Variants in SPAG6 observed in about 807,000 individuals in gnomAD.
SPAG6 encodes sperm associated antigen 6.
A neutral mutation model predicts 58.5 loss-of-function variants in SPAG6; 49 were observed. That is an observed-to-expected ratio of 0.84 (90% confidence interval 0.67 to 1.06). SPAG6 has a LOEUF of 1.06. Among genes scored for constraint, SPAG6 ranks in the 50% least tolerant of loss-of-function variants. SPAG6 has a pLI of 0.00. For synonymous variants in SPAG6, 233 were observed against 225.6 expected, an observed-to-expected ratio of 1.03 and a Z score of -0.29; for missense variants, 560 against 611.3, an observed-to-expected ratio of 0.92 and a Z score of 0.89.
In SPAG6 at chr10:22,391,983, C is replaced by T. The variant is rs974577395; in HGVS notation, c.1197+63C>T. ...ATTTAAAAAATATGTCATTTCAAAT[C>T]TCTTTGTTTTCATCATGGACAATAT... On this transcript the variant is annotated intron_variant, in intron 8 of 10. Coordinates refer to ENST00000376624, the MANE Select transcript of SPAG6 (RefSeq NM_012443.4). 2.7e-6 allele frequency: 3 copies of T among 1,094,066 alleles called. No homozygotes were observed. The African/African-American group carries it at 4.7e-5, about 17-fold the overall frequency. The allele number at this position is 1,094,066 out of a possible 1,614,324, so 67.8% of individuals were successfully genotyped here.
At chr10:22,356,445 AC>A (rs1174537515) in intron 2 of SPAG6, among the ~76,000 whole-genome samples, 4 of 152,250 alleles carry the variant, frequency 2.6e-5, no homozygotes, top group African/African-American at 9.6e-5. Context: ...AGTGGGGCAA[AC>A]AGTAAAGCTC....
chr10:22,390,248 G>T (rs10508643), intron 7 of SPAG6, among the ~76,000 whole-genome samples: 1 of 152,086 alleles, frequency 6.6e-6, no homozygotes, highest in Non-Finnish European at 1.5e-5. Context: ...GAAGGGTCAC[G>T]GTAAGGATGT....
At chr10:22,385,892 G>C (rs1313097209) in intron 4 of SPAG6, among the ~76,000 whole-genome samples, 1 of 152,196 alleles carries the variant, frequency 6.6e-6, no homozygotes, top group African/African-American at 2.4e-5. Flanking sequence ...CTGTGATTCA[G>C]TAAGAGGGGC....
intron 4 of SPAG6, among the ~76,000 whole-genome samples, chr10:22,385,690 C>T (rs1588658564): frequency 6.6e-6 from 1 of 152,124 alleles, no homozygotes; most frequent in East Asian, 1.9e-4. Flanking sequence ...CTAACATTTT[C>T]TTTTAGAGGT....
chr10:22,413,692 T>C (rs1358173191), intron 10 of SPAG6, among the ~76,000 whole-genome samples: 1 of 149,620 alleles, frequency 6.7e-6, no homozygotes, highest in South Asian at 2.1e-4. Context: ...ATTTCTGATA[T>C]ATATATATAT....
chr10:22,362,181 T>C (rs943000232), intron 2 of SPAG6, among the ~76,000 whole-genome samples: 5 of 146,546 alleles, frequency 3.4e-5, no homozygotes, highest in Middle Eastern at 3.3e-3. Flanking sequence ...TATAAAAATA[T>C]ATTTATATTT....
chr10:22,376,488 C>T (rs1833815980), intron 4 of SPAG6, among the ~76,000 whole-genome samples: 2 of 152,112 alleles, frequency 1.3e-5, no homozygotes, highest in South Asian at 2.1e-4. Flanking sequence ...ATTACTGTGT[C>T]TGTGCTTTGT....
chr10:22,414,751 A>G (rs1834828314), intron 10 of SPAG6, among the ~76,000 whole-genome samples: 1 of 152,132 alleles, frequency 6.6e-6, no homozygotes, highest in Non-Finnish European at 1.5e-5. Context: ...ATACAGACAT[A>G]CTAGCCATTT....
chr10:22,366,981 G>C (rs1837218136), intron 3 of SPAG6, among the ~76,000 whole-genome samples: 1 of 151,296 alleles, frequency 6.6e-6, no homozygotes, highest in African/African-American at 2.4e-5. Flanking sequence ...TCCTCTTTAT[G>C]AGGTACAAAG....
intron 2 of SPAG6, among the ~76,000 whole-genome samples, chr10:22,351,276 A>G (rs1020667103): frequency 6.6e-6 from 1 of 152,264 alleles, no homozygotes; most frequent in Non-Finnish European, 1.5e-5. Context: ...AGCTGGCCTC[A>G]GAACTCTAGA....
At chr10:22,375,861 G>A (rs1833804028) in intron 4 of SPAG6, among the ~76,000 whole-genome samples, 1 of 152,108 alleles carries the variant, frequency 6.6e-6, no homozygotes, top group South Asian at 2.1e-4. Context: ...ACAGGTGTGA[G>A]CCATTGTGCC....
chr10:22,373,118 T>C (rs1270183227), intron 4 of SPAG6, among the ~76,000 whole-genome samples: 4 of 152,218 alleles, frequency 2.6e-5, no homozygotes, highest in Admixed American at 2.6e-4. Flanking sequence ...TTGACTCTTC[T>C]TTCTCTTGTG....
chr10:22,370,491 T>A (rs1409915275), intron 4 of SPAG6, among the ~76,000 whole-genome samples: 1 of 152,184 alleles, frequency 6.6e-6, no homozygotes, highest in Non-Finnish European at 1.5e-5. Flanking sequence ...CTTTGTTAAC[T>A]ACTATACCAT....
At chr10:22,403,631 G>A (rs370813676) in intron 9 of SPAG6, among the ~76,000 whole-genome samples, 2 of 143,438 alleles carry the variant, frequency 1.4e-5, no homozygotes, top group African/African-American at 2.8e-5. Flanking sequence ...ATGATTTATA[G>A]TCCTTTGGGT....
intron 8 of SPAG6, among the ~76,000 whole-genome samples, chr10:22,398,519 C>T (rs902704350): frequency 6.6e-6 from 1 of 152,144 alleles, no homozygotes; most frequent in Non-Finnish European, 1.5e-5. Flanking sequence ...TGAGGTTAGG[C>T]GTTTTGAGAC....
Position 22,391,319 on chromosome 10 carries a change from T to C in SPAG6, c.1006-410T>C, listed in dbSNP as rs567710675. 2.6e-5 allele frequency among the ~76,000 whole-genome samples: 4 copies of C among 152,338 alleles called. No individual in the cohort carries two copies. In the South Asian group the frequency reaches 8.3e-4, roughly 32 times the overall value. On this transcript the variant is annotated intron_variant, in intron 7 of 10. Coordinates refer to ENST00000376624, the MANE Select transcript of SPAG6 (RefSeq NM_012443.4). Reference sequence around the variant, plus strand: ...TCTCAGGCTTATTATATCAGGTTTATTATATTTGGTGAAAAGACAATTTCT... The same window carrying C: ...TCTCAGGCTTATTATATCAGGTTTACTATATTTGGTGAAAAGACAATTTCT...
chr10:22,363,738 C>G (rs1200338121), intron 2 of SPAG6, among the ~76,000 whole-genome samples: 1 of 152,136 alleles, frequency 6.6e-6, no homozygotes, highest in Non-Finnish European at 1.5e-5. Context: ...TTTCTTTTTG[C>G]TCTATTTCAA....
At chr10:22,385,782 T>G (rs112042112) in intron 4 of SPAG6, among the ~76,000 whole-genome samples, 2 of 152,332 alleles carry the variant, frequency 1.3e-5, no homozygotes, top group African/African-American at 4.8e-5. Context: ...TAAATAGAGC[T>G]CTTAGCTTGA....
chr10:22,349,716 A>T (rs1292215321), intron 2 of SPAG6, among the ~76,000 whole-genome samples: 1 of 152,230 alleles, frequency 6.6e-6, no homozygotes, highest in Non-Finnish European at 1.5e-5. Context: ...GCAAATCAGT[A>T]GTTATGCACA....
Sources: allele counts gnomAD v4.1 joint callset (sites outside exome capture counted in the v4.1 genomes callset), GRCh38; gene constraint gnomAD v4.1.1; transcripts MANE v1.5; gene names NCBI Gene and HGNC (gene_info 2026-07-23, HGNC 2026-07-21).